Variants in KL observed in about 807,000 individuals in gnomAD.
KL encodes the protein klotho.
A neutral mutation model predicts 84.2 loss-of-function variants in KL; 62 were observed. That is an observed-to-expected ratio of 0.74 (90% confidence interval 0.60 to 0.91). The LOEUF (loss-of-function observed/expected upper bound fraction) is 0.91. Among genes scored for constraint, KL ranks in the 40% least tolerant of loss-of-function variants. KL has a pLI of 0.00. For synonymous variants in KL, 528 were observed against 528.0 expected (o/e 1.00, Z 0.00); for missense variants, 1,261 against 1,305.7 (o/e 0.97, Z 0.53).
At chr13:33,044,395 G>T (rs1871444360) in intron 1 of KL, among the ~76,000 whole-genome samples, 2 of 152,184 alleles carry the variant, frequency 1.3e-5, no homozygotes, top group South Asian at 2.1e-4. Flanking sequence ...TGTTGATTCA[G>T]TAGGTCAATC....
chr13:33,041,659 G>A (rs75169079), intron 1 of KL, among the ~76,000 whole-genome samples: 5,679 of 152,022 alleles, frequency 0.037, 172 homozygotes, highest in Non-Finnish European at 0.058. Context: ...AGCTAATAAG[G>A]GGGCAGAATT....
At position 33,063,973 on chromosome 13, in the gene KL, A is replaced by G; in HGVS notation, c.2826A>G (p.Lys942=). Residue 942 remains lysine, a synonymous_variant, in exon 5 of 5, where the codon AAA becomes AAG. Coordinates refer to ENST00000380099, the MANE Select transcript of KL (RefSeq NM_004795.4). ...AGTTTGAGCCCAAGGCATCCATGAA[A>G]CATTACAGGAAAATTATTGACAGCA... ...ADQFEPKASM[K]HYRKIIDSNG... The G allele has an allele frequency of 1.2e-6, 2 of 1,614,152 alleles. No individual in the cohort carries two copies. The highest frequency in any genetic ancestry group is 2.2e-5 in the South Asian group (2 of 91,070).
intron 3 of KL, among the ~76,000 whole-genome samples, chr13:33,055,642 T>C (rs1310638818): frequency 6.6e-6 from 1 of 152,214 alleles, no homozygotes; most frequent in Admixed American, 6.5e-5. Flanking sequence ...AGTTTTTTCA[T>C]GAACAGGATC....
chr13:33,025,488 G>T (rs1008730464), intron 1 of KL, among the ~76,000 whole-genome samples: 1 of 152,220 alleles, frequency 6.6e-6, no homozygotes, highest in African/African-American at 2.4e-5. Flanking sequence ...AGGGCATTGT[G>T]CCTTTCTAGG....
intron 1 of KL, among the ~76,000 whole-genome samples, chr13:33,042,832 C>G (rs1453601425): frequency 6.6e-6 from 1 of 152,096 alleles, no homozygotes; most frequent in Non-Finnish European, 1.5e-5. Context: ...CAGGCATGTG[C>G]CACCACACCT....
chr13:33,050,415 C>A (rs1021638276), intron 1 of KL, among the ~76,000 whole-genome samples: 1 of 152,202 alleles, frequency 6.6e-6, no homozygotes, highest in African/African-American at 2.4e-5. Flanking sequence ...AATGTACCAT[C>A]CGCAAAGGGA....
In KL at chr13:33,016,444, C is replaced by A. The variant is rs1425467064; in HGVS notation, c.4C>A (p.Pro2Thr). The A allele has an allele frequency of 2.1e-6, 2 of 959,334 alleles. No individual in the cohort carries two copies. Among genetic ancestry groups the A allele is most frequent in the African/African-American group, 3.6e-5 (2 of 55,790 alleles). The allele number at this position is 959,334 out of a possible 1,614,324, so 59.4% of individuals were successfully genotyped here. A position where few individuals can be genotyped will look rare whatever the true frequency, so the allele number is the denominator to read the frequency against. Residue 2 changes from proline (P) to threonine (T), a missense_variant, in exon 1 of 5, where the codon CCC (proline) becomes ACC (threonine). Transcript: ENST00000380099. M[P>T]ASAPPRRPRP... ...CGGAGCCTGGCTCCCGCGCAGCATG[C>A]CCGCCAGCGCCCCGCCGCGCCGCCC...
chr13:33,056,376 C>G (rs1179309598), intron 3 of KL, among the ~76,000 whole-genome samples: 5 of 152,148 alleles, frequency 3.3e-5, no homozygotes, highest in African/African-American at 1.2e-4. Context: ...TGTAAATATC[C>G]AATTGAAATC....
At chr13:33,053,726 C>A (rs373106095) in intron 1 of KL, 41 bp from the exon 2 acceptor site, 6 of 1,599,964 alleles carry the variant, frequency 3.8e-6, no homozygotes, top group Middle Eastern at 1.7e-4. Context: ...CATTTCTCCT[C>A]ACAACTAGAG....
At chr13:33,045,373 G>T (rs1871488460) in intron 1 of KL, among the ~76,000 whole-genome samples, 1 of 152,214 alleles carries the variant, frequency 6.6e-6, no homozygotes, top group Admixed American at 6.5e-5. Flanking sequence ...CTAGTACAAT[G>T]TTAGAGAGCA....
In KL at chr13:33,060,952, G is replaced by C. The variant is rs150287359; in HGVS notation, c.1873G>C (p.Glu625Gln). The part of the protein sequence containing the change: ...ILQYYRCMAS[E>Q]LVRVNITPVV... ...GCAGTACTATCGCTGCATGGCCAGCGAGCTTGTCCGTGTCAACATCACCCC... is the reference window on the plus strand; with the variant it reads ...GCAGTACTATCGCTGCATGGCCAGCCAGCTTGTCCGTGTCAACATCACCCC... Residue 625 changes from glutamate (E) to glutamine (Q), a missense_variant, in exon 4 of 5, where the codon GAG (glutamate) becomes CAG (glutamine). Physicochemically the swap from Glu to Gln is conservative, Grantham distance 29 (BLOSUM62 2). Transcript: ENST00000380099. 1.7e-5 allele frequency: 27 copies of C among 1,611,432 alleles called. No individual in the cohort carries two copies. In the African/African-American group the frequency reaches 2.8e-4, roughly 17 times the overall value.
intron 2 of KL, among the ~76,000 whole-genome samples, chr13:33,054,495 G>A (rs1871878587): frequency 6.6e-6 from 1 of 152,128 alleles, no homozygotes; most frequent in African/African-American, 2.4e-5. Flanking sequence ...GAGAAACTGG[G>A]TTATAATATT....
At chr13:33,044,642 T>TTC (rs2138219218) in intron 1 of KL, among the ~76,000 whole-genome samples, 1 of 30,250 alleles carries the variant, frequency 3.3e-5, no homozygotes, top group South Asian at 1.6e-3. Flanking sequence ...TTGATTTTCT[T>TTC]TTTTTTTTTT....
chr13:33,061,733 A>G lies in KL; in HGVS notation c.2654A>G (p.Gln885Arg). The change falls in exon 4 of 5, where the codon CAG (glutamine) becomes CGG (arginine). Residue 885 changes from glutamine to arginine, a missense_variant. Coordinates refer to ENST00000380099, the MANE Select transcript of KL (RefSeq NM_004795.4). ...GACGGGCTGCATGCTGAGGACGACC[A>G]GCTGAGGGTGTATTATATGCAGAAT... ...IDDGLHAEDD[Q>R]LRVYYMQNYI... 6.2e-7 allele frequency: 1 copy of G among 1,614,108 alleles called. No homozygotes were observed. The highest frequency in any genetic ancestry group is 1.3e-5 in the African/African-American group (1 of 75,054).
intron 1 of KL, among the ~76,000 whole-genome samples, chr13:33,029,535 T>G (rs1232240790): frequency 6.6e-6 from 1 of 152,258 alleles, no homozygotes; most frequent in Middle Eastern, 3.2e-3. Flanking sequence ...CTGTCAAGAT[T>G]ATTACATACA....
chr13:33,021,089 G>T (rs1870559981), intron 1 of KL, among the ~76,000 whole-genome samples: 1 of 152,088 alleles, frequency 6.6e-6, no homozygotes, highest in Non-Finnish European at 1.5e-5. Flanking sequence ...CCCTTCATCT[G>T]TATCTCTGAA....
chr13:33,056,598 A>G (rs1871965664), intron 3 of KL, among the ~76,000 whole-genome samples: 1 of 151,164 alleles, frequency 6.6e-6, no homozygotes, highest in Admixed American at 6.6e-5. Context: ...GATCAAGACC[A>G]TCCTGAATAA....
At chr13:33,019,799 C>G (rs1292822839) in intron 1 of KL, among the ~76,000 whole-genome samples, 1 of 148,340 alleles carries the variant, frequency 6.7e-6, no homozygotes. Flanking sequence ...GGAGGAGGGA[C>G]AGAGAGAGAG....
At chr13:33,029,422 A>G (rs1453937848) in intron 1 of KL, among the ~76,000 whole-genome samples, 3 of 152,224 alleles carry the variant, frequency 2.0e-5, no homozygotes, top group Non-Finnish European at 4.4e-5. Context: ...TGTTGAACCA[A>G]TGAATACTCT....
Sources: gnomAD v4.1 joint callset for allele counts (sites outside exome capture counted in the v4.1 genomes callset) on GRCh38, gnomAD v4.1.1 for gene constraint, MANE v1.5 for transcripts, NCBI Gene and HGNC (gene_info 2026-07-23, HGNC 2026-07-21) for gene names.